TMEM170A: variants seen among roughly 807,000 people sequenced by gnomAD.
TMEM170A encodes the protein transmembrane protein 170A.
Under a neutral mutation model 12.8 loss-of-function variants are expected in TMEM170A, and 18 were observed. The ratio of observed to expected loss-of-function variants is 1.41; its 90% CI spans 0.97 to 2.09. TMEM170A has a LOEUF of 2.09. TMEM170A is among the 30% of genes most tolerant of loss of function. The pLI, the probability that TMEM170A is intolerant of heterozygous loss-of-function variation, is 0.00. For synonymous variants in TMEM170A, 107 were observed against 76.2 expected (o/e 1.40, Z -2.11); for missense variants, 220 against 179.9 (o/e 1.22, Z -1.28).
At chr16:75,455,712 C>T (rs1047401438) in intron 1 of TMEM170A, among the ~76,000 whole-genome samples, 1 of 151,728 alleles carries the variant, frequency 6.6e-6, no homozygotes. Context: ...GGCTGAAGCC[C>T]GAGAATCGCT....
At chr16:75,462,330 G>C (rs1327063466) in intron 1 of TMEM170A, among the ~76,000 whole-genome samples, 3 of 152,134 alleles carry the variant, frequency 2.0e-5, no homozygotes, top group African/African-American at 7.2e-5. Flanking sequence ...AGAGATTCTC[G>C]TGCCTCAGCC....
At chr16:75,454,881 A>G (rs2079759902) in intron 1 of TMEM170A, among the ~76,000 whole-genome samples, 1 of 152,204 alleles carries the variant, frequency 6.6e-6, no homozygotes, top group Non-Finnish European at 1.5e-5. Flanking sequence ...TTGCTGCAAC[A>G]ATTTTACTTC....
chr16:75,451,668 C>A lies in TMEM170A; in HGVS notation c.304+1G>T, dbSNP rs201221886. The A allele has an allele frequency of 2.7e-5, 43 of 1,612,792 alleles. No individual in the cohort carries two copies. Reference sequence around the variant, plus strand: ...GACTGGTATTTTAATGTCTAACATACTTGTCAAGATTCCAGCAGTAATTGG... The same window carrying A: ...GACTGGTATTTTAATGTCTAACATAATTGTCAAGATTCCAGCAGTAATTGG... On this transcript the variant is annotated splice_donor_variant, in intron 2 of 2. Transcript: ENST00000561878. LOFTEE classifies it high-confidence loss of function.
chr16:75,464,223 CG>C, intron 1 of TMEM170A: 1 of 1,504,072 alleles, frequency 6.6e-7, no homozygotes, highest in Admixed American at 2.1e-5. Context: ...CCTCCAGCCC[CG>C]GGCCCACCTG....
chr16:75,464,438 C>G, intron 1 of TMEM170A, 30 bp downstream of exon 1: 1 of 1,411,952 alleles, frequency 7.1e-7, no homozygotes, highest in Non-Finnish European at 9.2e-7. Context: ...CGGCGGGGCG[C>G]GCAGTGCGCA....
intron 1 of TMEM170A, among the ~76,000 whole-genome samples, chr16:75,456,331 G>A (rs933205465): frequency 1.3e-5 from 2 of 152,104 alleles, no homozygotes; most frequent in East Asian, 1.9e-4. Context: ...GGTCACATCT[G>A]TAATACCAGC....
chr16:75,454,682 G>A (rs1331163951), intron 1 of TMEM170A, among the ~76,000 whole-genome samples: 1 of 152,066 alleles, frequency 6.6e-6, no homozygotes, highest in Non-Finnish European at 1.5e-5. Context: ...GACAGATGAG[G>A]GAAACCCTTT....
chr16:75,450,565 A>C (rs1024042928), intron 2 of TMEM170A, among the ~76,000 whole-genome samples: 1 of 152,232 alleles, frequency 6.6e-6, no homozygotes, highest in East Asian at 1.9e-4. Context: ...AAGCCTGAAA[A>C]TAATTCATAA....
In TMEM170A at chr16:75,443,272, T is replaced by G. The variant is rs905270579; in HGVS notation, c.*4286A>C. The stretch of plus-strand genomic sequence containing the variant: ...AAAGTAATTTTTTATTGATAAACAT[T>G]TACACTAGAATTAGAAATGTCAGTA... On this transcript the variant is annotated 3_prime_UTR_variant, in exon 3 of 3. Transcript: ENST00000561878. 6.6e-6 allele frequency: 1 copy of G among 152,330 alleles called. No individual in the cohort carries two copies. Among genetic ancestry groups the G allele is most frequent in the Middle Eastern group, 3.4e-3 (1 of 294 alleles). The allele number at this position is 152,330 out of a possible 1,614,324, so 9.4% of individuals were successfully genotyped here. A position where few individuals can be genotyped will look rare whatever the true frequency, so the allele number is the denominator to read the frequency against.
intron 2 of TMEM170A, among the ~76,000 whole-genome samples, chr16:75,447,952 C>G (rs2079616930): frequency 6.6e-6 from 1 of 152,134 alleles, no homozygotes; most frequent in African/African-American, 2.4e-5. Context: ...ATAAAATAAT[C>G]TGGAAGAAAT....
rs2079580368 is a variant in TMEM170A at position 75,446,075 on chromosome 16, T to A, written c.*1483A>T. 6.6e-6 allele frequency: 1 copy of A among 151,760 alleles called. No homozygotes were observed. Among genetic ancestry groups the A allele is most frequent in the Non-Finnish European group, 1.5e-5 (1 of 68,058 alleles). 9.4% of individuals were successfully genotyped at this position (151,760 alleles called of 1,614,324 possible). A position where few individuals can be genotyped will look rare whatever the true frequency, so the allele number is the denominator to read the frequency against. On this transcript the variant is annotated 3_prime_UTR_variant, in exon 3 of 3. Transcript: ENST00000561878. ...CTGTAATCCCAGCTACTCAGGAAAC[T>A]GAGGCAGGAGAATCGCTTGAACCCG...
chr16:75,454,701 T>C (rs1435865455), intron 1 of TMEM170A, among the ~76,000 whole-genome samples: 2 of 152,190 alleles, frequency 1.3e-5, no homozygotes, highest in African/African-American at 2.4e-5. Context: ...TTGGGGAATT[T>C]GACACCAGAC....
At chr16:75,448,081 TA>T (rs924933878) in intron 2 of TMEM170A, among the ~76,000 whole-genome samples, 7 of 152,318 alleles carry the variant, frequency 4.6e-5, no homozygotes, top group African/African-American at 1.7e-4. Flanking sequence ...ACATTTTTGG[TA>T]ACAAATGAAA....
Position 75,464,587 on chromosome 16 carries a change from C to T in TMEM170A, c.14G>A (p.Gly5Glu), listed in dbSNP as rs778904603. The part of the protein sequence containing the change: MERE[G>E]SGGSGGSAGL... ...GGCCGACCCGCCGCTGCCGCCGCTC[C>T]CCTCGCGCTCCATCCCGTCGCCATT... The change falls in exon 1 of 3, where the codon GGG becomes GAG. Residue 5 changes from glycine (G) to glutamate (E), a missense_variant. Physicochemically the swap from Gly to Glu is moderately conservative, Grantham distance 98. Coordinates refer to ENST00000561878, the MANE Select transcript of TMEM170A (RefSeq NM_145254.3). 1.0e-5 allele frequency: 16 copies of T among 1,585,808 alleles called. No individual in the cohort carries two copies. Among genetic ancestry groups the T allele is most frequent in the Admixed American group, 1.8e-5 (1 of 56,418 alleles).
At chr16:75,464,702 G>C, upstream of TMEM170A, 1 of 1,443,766 alleles carries the variant, frequency 6.9e-7, no homozygotes, top group South Asian at 1.3e-5. Flanking sequence ...CTCCAGCCGG[G>C]GTCCTCTTCC....
chr16:75,464,354 C>T (rs1337325609), intron 1 of TMEM170A, 114 bp downstream of exon 1: 2 of 1,386,298 alleles, frequency 1.4e-6, no homozygotes, highest in South Asian at 1.6e-5. Context: ...CGGAGGACAG[C>T]GCCCACGCCG....
intron 2 of TMEM170A, chr16:75,451,428 A>G (rs998627907): frequency 9.4e-5 from 56 of 598,312 alleles, no homozygotes; most frequent in Non-Finnish European, 2.1e-5. Context: ...ACACCCCTGT[A>G]GTCCAAGCTT....
At chr16:75,455,594 G>A (rs1430558873) in intron 1 of TMEM170A, among the ~76,000 whole-genome samples, 1 of 152,066 alleles carries the variant, frequency 6.6e-6, no homozygotes, top group Non-Finnish European at 1.5e-5. Context: ...CTTGAAGCCA[G>A]GAGTTGAAGA....
At chr16:75,451,416 G>A in intron 2 of TMEM170A, 2 of 569,570 alleles carry the variant, frequency 3.5e-6, no homozygotes, top group Non-Finnish European at 6.2e-6. Context: ...GGGCATGGTG[G>A]CACACCCCTG....
Sources: allele counts gnomAD v4.1 joint callset (sites outside exome capture counted in the v4.1 genomes callset), GRCh38; gene constraint gnomAD v4.1.1; transcripts MANE v1.5; gene names NCBI Gene and HGNC (gene_info 2026-07-23, HGNC 2026-07-21).